The following ENOX2 variants were observed in gnomAD, a reference collection of about 807,000 sequenced individuals.
ENOX2 encodes ecto-NOX disulfide-thiol exchanger 2, also known as APK1 antigen.
In ENOX2, 36 loss-of-function variants were observed where a neutral mutation model predicts 45.0. The observed-to-expected ratio is 0.80, with a 90% CI of 0.61 to 1.06. The LOEUF is 1.06. ENOX2 is among the 50% of genes least tolerant of loss of function. ENOX2 has a pLI of 0.00. For missense variants in ENOX2, 423 were observed against 462.5 expected (o/e 0.91, Z 0.78); for synonymous variants, 174 against 152.3 (o/e 1.14, Z -1.05).
chrX:130,853,463 CAAAA>C (rs754949787), intron 2 of ENOX2, among the ~76,000 whole-genome samples: 2 of 27,993 alleles, frequency 7.1e-5, no homozygotes, highest in African/African-American at 1.3e-4. Flanking sequence ...GACTCCGTCT[CAAAA>C]AAAAAAAAAA....
At chrX:130,742,179 TTAAAAAAG>T (rs2038997018) in intron 3 of ENOX2, among the ~76,000 whole-genome samples, 1 of 108,686 alleles carries the variant, frequency 9.2e-6, no homozygotes, top group African/African-American at 3.4e-5. Flanking sequence ...GTACAAGCAC[TTAAAAAAG>T]TAAGTGCTGA....
chrX:130,899,013 T>A (rs898609571), intron 2 of ENOX2, among the ~76,000 whole-genome samples: 3 of 109,992 alleles, frequency 2.7e-5, no homozygotes, highest in African/African-American at 1.0e-4. Flanking sequence ...TGGACTTGGG[T>A]GGGTAGAAGG....
intron 2 of ENOX2, among the ~76,000 whole-genome samples, chrX:130,798,676 C>T (rs2077171533): frequency 8.9e-6 from 1 of 112,332 alleles, no homozygotes; most frequent in Non-Finnish European, 1.9e-5. Flanking sequence ...AGATAAAATA[C>T]TTCAGAAATA....
chrX:130,819,699 G>T (rs1197130098), intron 2 of ENOX2, among the ~76,000 whole-genome samples: 1 of 111,170 alleles, frequency 9.0e-6, no homozygotes, highest in Admixed American at 9.5e-5. Context: ...ACAGGGAGGG[G>T]AACATCACAC....
intron 5 of ENOX2, among the ~76,000 whole-genome samples, chrX:130,685,179 T>A (rs1318124218): frequency 2.7e-5 from 3 of 109,675 alleles, no homozygotes; most frequent in Non-Finnish European, 5.7e-5. Context: ...GATGGGAGAG[T>A]GGCTGGTGTG....
chrX:130,873,829 G>T (rs1456491644), intron 2 of ENOX2, among the ~76,000 whole-genome samples: 3 of 109,081 alleles, frequency 2.8e-5, no homozygotes, highest in Non-Finnish European at 3.8e-5. Flanking sequence ...TCACTCATAA[G>T]TGAGAGTGGA....
intron 2 of ENOX2, among the ~76,000 whole-genome samples, chrX:130,868,177 C>T (rs189808107): frequency 1.8e-5 from 2 of 111,296 alleles, no homozygotes; most frequent in African/African-American, 3.3e-5. Context: ...AGCATTTCCA[C>T]TCCTAGGTAT....
At chrX:130,885,575 C>T (rs1215716907) in intron 2 of ENOX2, among the ~76,000 whole-genome samples, 5 of 112,112 alleles carry the variant, frequency 4.5e-5, no homozygotes, top group African/African-American at 1.6e-4. Context: ...TATTAGCATA[C>T]AAATAAAATA....
intron 2 of ENOX2, among the ~76,000 whole-genome samples, chrX:130,883,907 A>G (rs1327969602): frequency 8.9e-6 from 1 of 112,538 alleles, no homozygotes; most frequent in Admixed American, 9.4e-5. Context: ...TCTTTAGCCA[A>G]TAAGAAAATG....
intron 3 of ENOX2, among the ~76,000 whole-genome samples, chrX:130,757,974 C>A (rs1421759845): frequency 8.9e-6 from 1 of 111,784 alleles, no homozygotes; most frequent in Non-Finnish European, 1.9e-5. Flanking sequence ...CTCCTGGTTT[C>A]CTTGTCTATA....
intron 10 of ENOX2, among the ~76,000 whole-genome samples, chrX:130,638,944 G>A (rs1225632306): frequency 9.0e-6 from 1 of 111,172 alleles, no homozygotes; most frequent in Non-Finnish European, 1.9e-5. Context: ...CTGAGATCAC[G>A]CCACTACACT....
chrX:130,825,329 T>C (rs902102429), intron 2 of ENOX2, among the ~76,000 whole-genome samples: 9 of 111,405 alleles, frequency 8.1e-5, no homozygotes, highest in Admixed American at 7.6e-4. Flanking sequence ...TTCATACATG[T>C]GTACAAACAC....
At chrX:130,803,115 A>T (rs771957454) in intron 2 of ENOX2, among the ~76,000 whole-genome samples, 1 of 112,082 alleles carries the variant, frequency 8.9e-6, no homozygotes, top group Non-Finnish European at 1.9e-5. Flanking sequence ...TATTTGTTGG[A>T]TCATGTAATA....
intron 2 of ENOX2, among the ~76,000 whole-genome samples, chrX:130,892,607 G>A (rs2079001575): frequency 8.9e-6 from 1 of 112,595 alleles, no homozygotes; most frequent in African/African-American, 3.2e-5. Context: ...CTGCTCATCA[G>A]CATCAAGTGC....
rs2035511389 is a variant in ENOX2, at chrX:130,625,275, T to C, written c.*39A>G. ...TCACTTTCTATGCTTGTCCAACACA[T>C]ATTTATCTTCAGGATCCCAAGTTGT... is the stretch of plus-strand genomic sequence containing the variant. On this transcript the variant is annotated 3_prime_UTR_variant, in exon 15 of 15. Transcript: ENST00000394363. The C allele has an allele frequency of 2.5e-6, 3 of 1,188,449 alleles. No individual in the cohort carries two copies. The highest frequency in any genetic ancestry group is 2.3e-5 in the Admixed American group (1 of 44,146).
chrX:130,763,603 T>C (rs932021126), intron 3 of ENOX2, among the ~76,000 whole-genome samples: 6 of 110,989 alleles, frequency 5.4e-5, no homozygotes, highest in African/African-American at 1.6e-4. Context: ...GCATGGCAGC[T>C]CACACCTGTA....
intron 3 of ENOX2, among the ~76,000 whole-genome samples, chrX:130,740,129 G>A (rs183220221): frequency 1.8e-5 from 2 of 112,283 alleles, no homozygotes; most frequent in Non-Finnish European, 3.8e-5. Context: ...GTGGCTGGGC[G>A]TGGTGGCTCA....
At chrX:130,736,077 G>A (rs1252449032) in intron 3 of ENOX2, among the ~76,000 whole-genome samples, 2 of 111,315 alleles carry the variant, frequency 1.8e-5, no homozygotes, top group Non-Finnish European at 3.8e-5. Flanking sequence ...AAAATACTAC[G>A]GGATGGCCAG....
chrX:130,723,771 T>C (rs186694111), intron 3 of ENOX2, among the ~76,000 whole-genome samples: 70 of 111,864 alleles, frequency 6.3e-4, no homozygotes, highest in Middle Eastern at 4.6e-3. Flanking sequence ...TGTTCTCTTG[T>C]ACCATAGAAA....
Sources: gnomAD v4.1 joint callset for allele counts (sites outside exome capture counted in the v4.1 genomes callset) on GRCh38, gnomAD v4.1.1 for gene constraint, MANE v1.5 for transcripts, NCBI Gene and HGNC (gene_info 2026-07-23, HGNC 2026-07-21) for gene names.